BACE2: variants seen among roughly 807,000 people sequenced by gnomAD.
The protein encoded by BACE2 is 56 kDa aspartic-like protease.
BACE2 carries 17 observed loss-of-function variants against 46.2 expected under a neutral mutation model. That is an observed-to-expected ratio of 0.37 (90% CI 0.25 to 0.55). The LOEUF is 0.55. Among genes scored for constraint, BACE2 ranks in the 20% least tolerant of loss-of-function variants. The pLI, the probability that BACE2 is intolerant of heterozygous loss-of-function variation, is 0.82. For synonymous variants in BACE2, 277 were observed against 295.9 expected, an observed-to-expected ratio of 0.94 and a Z score of 0.66; for missense variants, 595 against 698.1, an observed-to-expected ratio of 0.85 and a Z score of 1.66.
chr21:41,211,323 A>C (rs868212025), intron 1 of BACE2, among the ~76,000 whole-genome samples: 1 of 152,170 alleles, frequency 6.6e-6, no homozygotes, highest in Non-Finnish European at 1.5e-5. Flanking sequence ...ACACATGCAC[A>C]CACAGCCAGA....
intron 1 of BACE2, chr21:41,178,427 GTT>G (rs1984940791): frequency 6.6e-6 from 1 of 152,224 alleles, no homozygotes; most frequent in Non-Finnish European, 1.5e-5. Context: ...GGATGAGCAT[GTT>G]TTTCTTTCTT....
At chr21:41,248,728 A>C (rs1987546153) in intron 6 of BACE2, among the ~76,000 whole-genome samples, 2 of 152,206 alleles carry the variant, frequency 1.3e-5, no homozygotes, top group African/African-American at 4.8e-5. Flanking sequence ...CCTGGTGAGG[A>C]GGGCAGGTGT....
intron 4 of BACE2, among the ~76,000 whole-genome samples, chr21:41,242,339 TTC>T (rs56942862): frequency 6.1e-5 from 9 of 148,734 alleles, no homozygotes; most frequent in East Asian, 4.1e-4. Flanking sequence ...TGTAGATCCT[TTC>T]TCTCTCTCTC....
At chr21:41,225,624 G>C (rs1028483176) in intron 1 of BACE2, 3 of 152,314 alleles carry the variant, frequency 2.0e-5, no homozygotes, top group Non-Finnish European at 4.4e-5. Context: ...AGGGAAAGGG[G>C]CATAAAGGAA....
At chr21:41,245,578 A>C (rs2123608385) in intron 5 of BACE2, among the ~76,000 whole-genome samples, 1 of 152,368 alleles carries the variant, frequency 6.6e-6, no homozygotes, top group Admixed American at 6.5e-5. Flanking sequence ...AGTTTGTACA[A>C]ATGGCTTTTA....
chr21:41,250,726 T>C (rs370528983), intron 6 of BACE2, 26 bp from the exon 7 acceptor site: 72 of 1,612,984 alleles, frequency 4.5e-5, no homozygotes, highest in African/African-American at 1.1e-4. Flanking sequence ...TAGTCATGGT[T>C]TCTGATGTGA....
At chr21:41,220,965 C>A (rs376872285) in intron 1 of BACE2, among the ~76,000 whole-genome samples, 10 of 146,410 alleles carry the variant, frequency 6.8e-5, no homozygotes, top group African/African-American at 2.5e-4. Flanking sequence ...GAGGCTGAGG[C>A]GGGTGGATCA....
At chr21:41,253,265 C>T (rs1056518061) in intron 7 of BACE2, among the ~76,000 whole-genome samples, 1 of 151,938 alleles carries the variant, frequency 6.6e-6, no homozygotes, top group Non-Finnish European at 1.5e-5. Flanking sequence ...CACAGTGAAA[C>T]CCAGTCTCTA....
At chr21:41,238,954 T>TAAA (rs34474586) in intron 3 of BACE2, among the ~76,000 whole-genome samples, 139 of 85,428 alleles carry the variant, frequency 1.6e-3, no homozygotes, top group Non-Finnish European at 1.8e-3. Context: ...AAAGTATAAT[T>TAAA]AAAAAAAAAA....
chr21:41,235,556 G>A (rs923080865), intron 2 of BACE2, among the ~76,000 whole-genome samples: 2 of 152,240 alleles, frequency 1.3e-5, no homozygotes, highest in African/African-American at 4.8e-5. Flanking sequence ...TGAATAAAAG[G>A]CCAGATAGGG....
chr21:41,194,776 C>T (rs1229969302), intron 1 of BACE2, among the ~76,000 whole-genome samples: 1 of 151,952 alleles, frequency 6.6e-6, no homozygotes. Flanking sequence ...AATGTTTCAC[C>T]CTCATACTTT....
chr21:41,242,793 G>A (rs80051329), intron 4 of BACE2, among the ~76,000 whole-genome samples: 2,120 of 152,240 alleles, frequency 0.014, 41 homozygotes, highest in African/African-American at 0.047. Flanking sequence ...AAACTTGTAT[G>A]TACTTTCTTT....
intron 4 of BACE2, 51 bp downstream of exon 4, chr21:41,241,998 GT>G (rs3215895): frequency 0.12 from 185,469 of 1,604,746 alleles, 11,248 homozygotes; most frequent in Non-Finnish European, 0.12. Context: ...TGGATGGGCT[GT>G]TTTTTTCTGT....
intron 1 of BACE2, among the ~76,000 whole-genome samples, chr21:41,203,812 C>G (rs2123533370): frequency 6.6e-6 from 1 of 152,300 alleles, no homozygotes; most frequent in African/African-American, 2.4e-5. Flanking sequence ...GGCAAGATAC[C>G]TGAAGACGGG....
At chr21:41,260,659 G>A (rs577143917) in intron 8 of BACE2, among the ~76,000 whole-genome samples, 3 of 152,300 alleles carry the variant, frequency 2.0e-5, no homozygotes, top group East Asian at 1.9e-4. Context: ...CATGTGATCC[G>A]AGAGAGCATG....
intron 7 of BACE2, among the ~76,000 whole-genome samples, chr21:41,251,756 A>G (rs1373759620): frequency 6.6e-6 from 1 of 150,666 alleles, no homozygotes; most frequent in Non-Finnish European, 1.5e-5. Context: ...AGCCGAGATC[A>G]CACCACTGCA....
intron 1 of BACE2, among the ~76,000 whole-genome samples, chr21:41,191,031 C>G (rs751437104): frequency 2.0e-5 from 3 of 152,126 alleles, no homozygotes; most frequent in Non-Finnish European, 4.4e-5. Flanking sequence ...GAACAGGCAG[C>G]AAAAATTTTG....
chr21:41,170,627 G>A (rs1053986971), intron 1 of BACE2, among the ~76,000 whole-genome samples: 2 of 152,208 alleles, frequency 1.3e-5, no homozygotes, highest in African/African-American at 4.8e-5. Flanking sequence ...CAGCCGGCTA[G>A]AGGGGGCAGC....
intron 6 of BACE2, among the ~76,000 whole-genome samples, chr21:41,249,155 G>GC (rs5844070): frequency 6.6e-6 from 1 of 151,020 alleles, no homozygotes; most frequent in African/African-American, 2.4e-5. Flanking sequence ...GGATTAGTGA[G>GC]CCCCACATGT....
Sources: gnomAD v4.1 joint callset for allele counts (sites outside exome capture counted in the v4.1 genomes callset) on GRCh38, gnomAD v4.1.1 for gene constraint, MANE v1.5 for transcripts, NCBI Gene and HGNC (gene_info 2026-07-23, HGNC 2026-07-21) for gene names.